Variants in ADGRA2 observed in about 807,000 individuals in gnomAD.
ADGRA2 encodes the protein G-protein coupled receptor 124.
In ADGRA2, 61 loss-of-function variants were observed where a neutral mutation model predicts 98.7. The ratio of observed to expected loss-of-function variants is 0.62; its 90% CI spans 0.50 to 0.76. The LOEUF is 0.76. Ranked by LOEUF, ADGRA2 falls within the 30% of genes least tolerant of loss-of-function variation. The pLI, the probability that ADGRA2 is intolerant of heterozygous loss-of-function variation, is 0.00. For missense variants in ADGRA2, 1,712 were observed against 1,860.0 expected (o/e 0.92, Z 1.46); for synonymous variants, 858 against 831.5 (o/e 1.03, Z -0.55).
intron 2 of ADGRA2, among the ~76,000 whole-genome samples, chr8:37,820,212 C>G (rs1172723654): frequency 6.6e-6 from 1 of 152,204 alleles, no homozygotes; most frequent in Non-Finnish European, 1.5e-5. Context: ...CAGATGTCAA[C>G]CACATCTACA....
rs963384797 is a variant in ADGRA2, at chr8:37,838,084, G to A, written c.2259+145G>A. 4.2e-6 allele frequency: 3 copies of A among 707,746 alleles called. No homozygotes were observed. In the Admixed American group the frequency reaches 1.0e-4, roughly 24 times the overall value. 43.8% of individuals were successfully genotyped at this position (707,746 alleles called of 1,614,324 possible). A position where few individuals can be genotyped will look rare whatever the true frequency, so the allele number is the denominator to read the frequency against. On this transcript the variant is annotated intron_variant, in intron 14 of 18. Transcript: ENST00000412232. ...AATTGGGCCCCATGAGTGGTGGGAT[G>A]TGGGGAAATGGCCCTTTGGCCTCTC... is the stretch of plus-strand genomic sequence containing the variant.
intron 1 of ADGRA2, among the ~76,000 whole-genome samples, chr8:37,806,526 C>CTTTTTCTTTTTTTTTTTTTT (rs756594430): frequency 2.0e-5 from 2 of 100,356 alleles, no homozygotes; most frequent in African/African-American, 5.1e-5. Flanking sequence ...TTTTCTTTTT[C>CTTTTTCTTTTTTTTTTTTTT]TTTTTTTTTT....
At chr8:37,821,947 C>T (rs1256833427) in intron 2 of ADGRA2, among the ~76,000 whole-genome samples, 2 of 152,088 alleles carry the variant, frequency 1.3e-5, no homozygotes, top group East Asian at 3.9e-4. Flanking sequence ...TCTGTCCCTC[C>T]TCCCCTCCCC....
intron 2 of ADGRA2, among the ~76,000 whole-genome samples, chr8:37,820,012 G>T (rs1783433941): frequency 6.6e-6 from 1 of 152,188 alleles, no homozygotes; most frequent in Non-Finnish European, 1.5e-5. Context: ...TGATTGTGGG[G>T]GCTGGCAGAC....
chr8:37,810,005 C>T (rs551456869), intron 1 of ADGRA2, among the ~76,000 whole-genome samples: 8 of 152,182 alleles, frequency 5.3e-5, no homozygotes, highest in South Asian at 4.1e-4. Context: ...CACCAGTGCC[C>T]GCAGCTGGTC....
chr8:37,829,364 G>A lies in ADGRA2; in HGVS notation c.482+32G>A, dbSNP rs769911451. 12 of 1,592,526 alleles carry A rather than the reference G, an allele frequency of 7.5e-6. No homozygotes were observed. In the East Asian group the frequency reaches 1.1e-4, roughly 15 times the overall value. ...GATGGGGTGAGAAGTGGGGAGGGGA[G>A]GAGAGGGAAGAAGTGCATAGGAAGC... On this transcript the variant is annotated intron_variant, in intron 4 of 18. Coordinates refer to ENST00000412232, the MANE Select transcript of ADGRA2 (RefSeq NM_032777.10).
chr8:37,829,681 A>G, intron 5 of ADGRA2, 122 bp downstream of exon 5: 1 of 959,326 alleles, frequency 1.0e-6, no homozygotes, highest in Non-Finnish European at 1.7e-6. Flanking sequence ...ACAGTGCCTG[A>G]AATGCCCCCA....
rs867100878 is a variant in ADGRA2, at chr8:37,843,348, G to T, written c.*993G>T. 2 of 152,136 alleles carry T rather than the reference G, an allele frequency of 1.3e-5. No individual in the cohort carries two copies. The highest frequency in any genetic ancestry group is 2.9e-5 in the Non-Finnish European group (2 of 68,062). The allele number at this position is 152,136 out of a possible 1,614,324, so 9.4% of individuals were successfully genotyped here. ...AGAGGAAGAACCATCCCAATCATTT[G>T]ATCTCCAGCTCCACAGTAGAGAGAA... On this transcript the variant is annotated 3_prime_UTR_variant, in exon 19 of 19. Transcript: ENST00000412232.
chr8:37,826,694 G>A (rs1465309118), intron 2 of ADGRA2, among the ~76,000 whole-genome samples: 1 of 152,202 alleles, frequency 6.6e-6, no homozygotes, highest in Non-Finnish European at 1.5e-5. Context: ...TGGTGGGACA[G>A]TACCTCCCCG....
Position 37,834,096 on chromosome 8 carries a change from G to A in ADGRA2, c.1576G>A (p.Ala526Thr), listed in dbSNP as rs533313019. ...VGALERIGGA[A>T]LSPHAQHISV... Reference sequence around the variant, plus strand: ...TGCCCTGGAGCGCATTGGGGGGGCCGCCCTCAGCCCCCATGCCCAGCACAT... The same window carrying A: ...TGCCCTGGAGCGCATTGGGGGGGCCACCCTCAGCCCCCATGCCCAGCACAT... The change falls in exon 11 of 19, where the codon GCC (alanine) becomes ACC (threonine). Residue 526 changes from alanine (A) to threonine (T), a missense_variant. Physicochemically the swap from Ala to Thr is moderately conservative, Grantham distance 58. Coordinates refer to ENST00000412232, the MANE Select transcript of ADGRA2 (RefSeq NM_032777.10). This position sits in a 1 kb window ranked among gnomAD's most constrained non-coding sequence, Gnocchi z 4.2. 56 of 1,612,248 alleles carry A rather than the reference G, an allele frequency of 3.5e-5. No homozygotes were observed. Among genetic ancestry groups the A allele is most frequent in the Non-Finnish European group, 4.6e-5 (54 of 1,179,742 alleles).
At position 37,842,496 on chromosome 8, in the gene ADGRA2, C is replaced by T. The variant is rs1805838470; in HGVS notation, c.*141C>T. On this transcript the variant is annotated 3_prime_UTR_variant, in exon 19 of 19. Transcript: ENST00000412232. The stretch of plus-strand genomic sequence containing the variant: ...GAGGAAGCCCACAGGCGGATGTTCC[C>T]CACTTGCCTAGAGGGCATCCCTCTG... The T allele has an allele frequency of 7.5e-7, 1 of 1,328,306 alleles. No individual in the cohort carries two copies. Among genetic ancestry groups the T allele is most frequent in the Non-Finnish European group, 9.8e-7 (1 of 1,023,848 alleles). 82.3% of individuals were successfully genotyped at this position (1,328,306 alleles called of 1,614,324 possible).
At chr8:37,837,641 C>T in intron 13 of ADGRA2, 90 bp from the exon 14 acceptor site, 1 of 1,095,336 alleles carries the variant, frequency 9.1e-7, no homozygotes, top group Admixed American at 2.0e-5. Context: ...TAGTACACAC[C>T]CTGTCACTGC....
In ADGRA2 at chr8:37,828,868, C is replaced by G. The variant is rs1471600878; in HGVS notation, c.339-20C>G. On this transcript the variant is annotated intron_variant, in intron 2 of 18. Transcript: ENST00000412232. ...CTCCAGCGGGGAGAGGTGTGAGGGC[C>G]TCTGCACTTGCCTCTGCAGGGACCT... 1 of 1,592,060 alleles carries G rather than the reference C, an allele frequency of 6.3e-7. No individual in the cohort carries two copies. Among genetic ancestry groups the G allele is most frequent in the East Asian group, 2.2e-5 (1 of 44,612 alleles).
At chr8:37,835,518 T>A (rs1430928270) in intron 12 of ADGRA2, 36 bp from the exon 13 acceptor site, 2 of 1,498,324 alleles carry the variant, frequency 1.3e-6, no homozygotes, top group East Asian at 4.5e-5. Context: ...CTCTAGGGGG[T>A]CCTGGTGTCT....
chr8:37,821,494 G>A (rs112287443), intron 2 of ADGRA2, among the ~76,000 whole-genome samples: 34 of 152,260 alleles, frequency 2.2e-4, no homozygotes, highest in African/African-American at 3.4e-4. Context: ...TTCATTCCCC[G>A]GGATCCCCTG....
chr8:37,797,428 C>A lies in ADGRA2; in HGVS notation c.160C>A (p.Leu54Met). The change falls in exon 1 of 19, where the codon CTG becomes ATG. Residue 54 changes from leucine to methionine, a missense_variant. By Grantham distance (15) the Leu-to-Met change is conservative. Transcript: ENST00000412232. The surrounding 1 kb of genome is among the most constrained non-coding windows in gnomAD (Gnocchi z 5.3). ...GTGCTCGGGGGAGCGGCCCAAGGGG[C>A]TGAGCGGCGGCGTCCCTGGCCCGGC... ...CKCSGERPKG[L>M]SGGVPGPARR... is the part of the protein sequence containing the mutation. 7.0e-7 allele frequency: 1 copy of A among 1,423,992 alleles called. No homozygotes were observed. Among genetic ancestry groups the A allele is most frequent in the Non-Finnish European group, 9.2e-7 (1 of 1,087,214 alleles). The allele number at this position is 1,423,992 out of a possible 1,614,324, so 88.2% of individuals were successfully genotyped here. A position where few individuals can be genotyped will look rare whatever the true frequency, so the allele number is the denominator to read the frequency against.
chr8:37,839,136 C>A, intron 15 of ADGRA2, 53 bp downstream of exon 15: 1 of 1,602,744 alleles, frequency 6.2e-7, no homozygotes. Flanking sequence ...GAAGGGGCCC[C>A]TACCCTGTCC....
At chr8:37,840,083 G>C (rs1214658251) in intron 16 of ADGRA2, 38 bp from the exon 17 acceptor site, 7 of 1,532,110 alleles carry the variant, frequency 4.6e-6, no homozygotes, top group Non-Finnish European at 6.1e-6. Context: ...TCCAGTCGTA[G>C]TCCCCAGGTC....
rs1585412029 is a variant in ADGRA2 at position 37,842,162 on chromosome 8, C to A, written c.3824C>A (p.Ala1275Asp). 3.3e-6 allele frequency: 5 copies of A among 1,526,456 alleles called. No homozygotes were observed. Among genetic ancestry groups the A allele is most frequent in the Non-Finnish European group, 4.4e-6 (5 of 1,140,332 alleles). 94.6% of individuals were successfully genotyped at this position (1,526,456 alleles called of 1,614,324 possible). Residue 1275 changes from alanine (A) to aspartate (D), a missense_variant, in exon 19 of 19, where the codon GCC (alanine) becomes GAC (aspartate). Coordinates refer to ENST00000412232, the MANE Select transcript of ADGRA2 (RefSeq NM_032777.10). ...EAGRAGQRRS[A>D]SRDSLKGGGA... is the part of the protein sequence containing the mutation. Reference sequence around the variant, plus strand: ...GGCCGGGCAGGCCAGCGCCGCAGCGCCAGCCGCGACAGTCTCAAGGGCGGC... The same window carrying A: ...GGCCGGGCAGGCCAGCGCCGCAGCGACAGCCGCGACAGTCTCAAGGGCGGC...
Sources: allele counts gnomAD v4.1 joint callset (sites outside exome capture counted in the v4.1 genomes callset), GRCh38; gene constraint gnomAD v4.1.1; non-coding constraint Gnocchi (gnomAD v3.1); transcripts MANE v1.5; gene names NCBI Gene and HGNC (gene_info 2026-07-23, HGNC 2026-07-21).